Variants in PFDN1 observed in about 807,000 individuals in gnomAD.
The protein encoded by PFDN1 is prefoldin 1.
A neutral mutation model predicts 17.3 loss-of-function variants in PFDN1; 6 were observed. The observed-to-expected ratio is 0.35, with a 90% CI of 0.19 to 0.69. The LOEUF is 0.69. Among genes scored for constraint, PFDN1 ranks in the 30% least tolerant of loss-of-function variants. The probability of loss-of-function intolerance (pLI) is 0.65; values close to 1 mark genes in which losing one functional copy is unlikely to be tolerated. For missense variants in PFDN1, 113 were observed against 146.2 expected, an observed-to-expected ratio of 0.77 and a Z score of 1.17; for synonymous variants, 58 against 50.1, an observed-to-expected ratio of 1.16 and a Z score of -0.67.
chr5:140,297,775 A>C (rs954946993), intron 2 of PFDN1, among the ~76,000 whole-genome samples: 3 of 152,184 alleles, frequency 2.0e-5, no homozygotes, highest in African/African-American at 7.2e-5. Flanking sequence ...CTCTCCTAAC[A>C]CTTCTGCAGA....
chr5:140,295,851 TA>T (rs879507287), intron 2 of PFDN1, among the ~76,000 whole-genome samples: 2,713 of 143,458 alleles, frequency 0.019, 69 homozygotes, highest in African/African-American at 0.062. Context: ...ATACATACCC[TA>T]AAAAAAAAAA....
At position 140,245,815 on chromosome 5, in the gene PFDN1, A is replaced by C. The variant is rs1389505560; in HGVS notation, c.*159T>G. 1 of 624,216 alleles carries C rather than the reference A, an allele frequency of 1.6e-6. No individual in the cohort carries two copies. Among genetic ancestry groups the C allele is most frequent in the African/African-American group, 1.8e-5 (1 of 54,498 alleles). 38.7% of individuals were successfully genotyped at this position (624,216 alleles called of 1,614,324 possible). A position where few individuals can be genotyped will look rare whatever the true frequency, so the allele number is the denominator to read the frequency against. Reference sequence around the variant, plus strand: ...GCCGGGTAAAAACTCCAGGGCTGGGAAGCAAATGGGGCTCAGGGTGATGCA... The same window carrying C: ...GCCGGGTAAAAACTCCAGGGCTGGGCAGCAAATGGGGCTCAGGGTGATGCA... On this transcript the variant is annotated 3_prime_UTR_variant, in exon 4 of 4. Coordinates refer to ENST00000261813, the MANE Select transcript of PFDN1 (RefSeq NM_002622.5).
intron 2 of PFDN1, among the ~76,000 whole-genome samples, chr5:140,298,774 G>A (rs1317276495): frequency 1.3e-5 from 2 of 150,110 alleles, no homozygotes; most frequent in African/African-American, 4.9e-5. Flanking sequence ...TTTTTTTTGA[G>A]GCAGAGTTTC....
chr5:140,287,944 T>C (rs1261094308), intron 2 of PFDN1, among the ~76,000 whole-genome samples: 1 of 152,210 alleles, frequency 6.6e-6, no homozygotes, highest in Non-Finnish European at 1.5e-5. Flanking sequence ...CATATGCCGA[T>C]GAAGCTGTGA....
intron 3 of PFDN1, among the ~76,000 whole-genome samples, chr5:140,265,430 G>T (rs761569944): frequency 2.6e-5 from 4 of 152,052 alleles, no homozygotes; most frequent in Admixed American, 6.6e-5. Flanking sequence ...CTAGTTCTAT[G>T]ACTTGAAACG....
rs1204460968 is a variant in PFDN1, at chr5:140,254,121, T to C, written c.286-8064A>G. Among the ~76,000 whole-genome samples, 3 of 152,206 alleles carry C rather than the reference T, an allele frequency of 2.0e-5. No individual in the cohort carries two copies. Among genetic ancestry groups the C allele is most frequent in the African/African-American group, 7.2e-5 (3 of 41,458 alleles). On this transcript the variant is annotated intron_variant, in intron 3 of 3. Transcript: ENST00000261813. This position sits in a 1 kb window ranked among gnomAD's most constrained non-coding sequence, Gnocchi z 4.4. Reference sequence around the variant, plus strand: ...TTACAACTACTCAGCTCTGCCATTGTAGCACAAAAGCAGTCAGACAATGTG... The same window carrying C: ...TTACAACTACTCAGCTCTGCCATTGCAGCACAAAAGCAGTCAGACAATGTG...
At chr5:140,258,286 A>C (rs1164856687) in intron 3 of PFDN1, among the ~76,000 whole-genome samples, 1 of 152,150 alleles carries the variant, frequency 6.6e-6, no homozygotes, top group Non-Finnish European at 1.5e-5. Flanking sequence ...AATGGGTAAC[A>C]GATGTGCCCA....
intron 3 of PFDN1, among the ~76,000 whole-genome samples, chr5:140,249,413 T>C (rs1764879772): frequency 6.6e-6 from 1 of 152,096 alleles, no homozygotes. Flanking sequence ...CCACAATTAT[T>C]TGGGGATAAG....
chr5:140,295,181 T>C (rs1403489736), intron 2 of PFDN1, among the ~76,000 whole-genome samples: 7 of 152,094 alleles, frequency 4.6e-5, no homozygotes, highest in African/African-American at 9.7e-5. Context: ...ATCATACTTA[T>C]TGTTCATAAA....
In PFDN1 at chr5:140,246,007, G is replaced by A. The variant is rs1216534686; in HGVS notation, c.336C>T (p.Ile112=). ...CCCTTCGTGCCATCAGCATCTCCCG[G>A]ATGTTGTCCTCAGCTTCCTTAACGC... ...ERSVKEAEDN[I]REMLMARRAQ is the part of the protein sequence containing the mutation. Residue 112 remains isoleucine, a synonymous_variant, in exon 4 of 4, where the codon ATC becomes ATT. Transcript: ENST00000261813. The A allele has an allele frequency of 1.3e-6, 2 of 1,562,528 alleles. No individual in the cohort carries two copies. The highest frequency in any genetic ancestry group is 2.4e-5 in the East Asian group (1 of 42,396).
At chr5:140,257,681 T>C (rs1038057781) in intron 3 of PFDN1, among the ~76,000 whole-genome samples, 3 of 152,234 alleles carry the variant, frequency 2.0e-5, no homozygotes, top group African/African-American at 7.2e-5. Context: ...TGATTAATGC[T>C]ATAACCCTAG....
At chr5:140,299,738 G>A (rs995283925) in intron 2 of PFDN1, among the ~76,000 whole-genome samples, 1 of 152,016 alleles carries the variant, frequency 6.6e-6, no homozygotes, top group Non-Finnish European at 1.5e-5. Flanking sequence ...TAACCTGCCG[G>A]GTGTGGTGAC....
chr5:140,252,668 T>G (rs1034181903), intron 3 of PFDN1, among the ~76,000 whole-genome samples: 5 of 152,220 alleles, frequency 3.3e-5, no homozygotes, highest in African/African-American at 1.2e-4. Flanking sequence ...ATGGGGATGT[T>G]TGGCAAGAGG....
At chr5:140,261,302 C>T (rs552095613) in intron 3 of PFDN1, among the ~76,000 whole-genome samples, 33 of 151,904 alleles carry the variant, frequency 2.2e-4, no homozygotes, top group African/African-American at 3.6e-4. Flanking sequence ...CACATACAAA[C>T]GGGTTGGGGT....
chr5:140,294,342 TA>T (rs1765621979), intron 2 of PFDN1, among the ~76,000 whole-genome samples: 1 of 152,102 alleles, frequency 6.6e-6, no homozygotes, highest in Non-Finnish European at 1.5e-5. Flanking sequence ...TTTCATTTCC[TA>T]ATCTCTTAGC....
intron 3 of PFDN1, among the ~76,000 whole-genome samples, chr5:140,278,364 G>A (rs575350466): frequency 5.1e-4 from 77 of 150,722 alleles, no homozygotes; most frequent in South Asian, 2.1e-3. Context: ...TCAGGAGTTC[G>A]AGACCAGTCT....
intron 2 of PFDN1, among the ~76,000 whole-genome samples, chr5:140,294,780 T>C (rs1417002560): frequency 6.6e-6 from 1 of 152,076 alleles, no homozygotes; most frequent in Non-Finnish European, 1.5e-5. Context: ...TTTACACTTC[T>C]GGATCTTTCA....
intron 2 of PFDN1, among the ~76,000 whole-genome samples, chr5:140,290,622 T>C (rs549188651): frequency 9.2e-5 from 14 of 152,222 alleles, no homozygotes; most frequent in African/African-American, 2.6e-4. Context: ...TTTACGGTCA[T>C]AGAAATCACA....
At chr5:140,286,132 C>G (rs1317685637) in intron 2 of PFDN1, among the ~76,000 whole-genome samples, 1 of 151,788 alleles carries the variant, frequency 6.6e-6, no homozygotes, top group Non-Finnish European at 1.5e-5. Flanking sequence ...GCACGTCAGC[C>G]AGGCGTGGTG....
Sources: gnomAD v4.1 joint callset for allele counts (sites outside exome capture counted in the v4.1 genomes callset) on GRCh38, gnomAD v4.1.1 for gene constraint, Gnocchi (gnomAD v3.1) non-coding constraint, MANE v1.5 for transcripts, NCBI Gene and HGNC (gene_info 2026-07-23, HGNC 2026-07-21) for gene names.